The following MSANTD3 variants were observed in gnomAD, a reference collection of about 807,000 sequenced individuals.
The protein encoded by MSANTD3 is myb/SANT-like DNA-binding domain-containing protein 3.
In MSANTD3, 11 loss-of-function variants were observed where a neutral mutation model predicts 27.7. That is an observed-to-expected ratio of 0.40 (90% CI 0.25 to 0.66). The LOEUF (loss-of-function observed/expected upper bound fraction) is 0.66. Among genes scored for constraint, MSANTD3 ranks in the 30% least tolerant of loss-of-function variants. MSANTD3 has a pLI of 0.41. For synonymous variants in MSANTD3, 131 were observed against 127.2 expected (o/e 1.03, Z -0.20); for missense variants, 250 against 336.5 (o/e 0.74, Z 2.01).
At chr9:100,444,862 A>G (rs1836716213) in intron 2 of MSANTD3, 1 of 218,432 alleles carries the variant, frequency 4.6e-6, no homozygotes, top group Admixed American at 5.7e-5. Context: ...ATAAAGGTAC[A>G]TTCTCAGTGT....
chr9:100,451,259 T>G lies in MSANTD3; in HGVS notation c.*293T>G, dbSNP rs140097146. 1.2e-3 allele frequency: 341 copies of G among 277,150 alleles called. 2 individuals are homozygous for G. The highest frequency in any genetic ancestry group is 2.2e-3 in the African/African-American group (98 of 43,984). 17.2% of individuals were successfully genotyped at this position (277,150 alleles called of 1,614,324 possible). On this transcript the variant is annotated 3_prime_UTR_variant, in exon 3 of 3. Transcript: ENST00000395067. ...ACGTGTGAGTGTTGTTGTTGTTGTT[T>G]TTTTTTTTAATCAAATGCAAGTGTG...
rs145636753 is a variant in MSANTD3 at position 100,450,963 on chromosome 9, C to A, written c.825C>A (p.Pro275=). Residue 275 remains proline (P), a synonymous_variant, in exon 3 of 3, where the codon CCC becomes CCA. Transcript: ENST00000395067. ...SSFNRPFPNS[P] The stretch of plus-strand genomic sequence containing the variant: ...TTAACCGGCCCTTTCCCAATTCGCC[C>A]TAAGACTTTGGGGGTGGCTCTCTTG... 35 of 1,575,168 alleles carry A rather than the reference C, an allele frequency of 2.2e-5. No individual in the cohort carries two copies. In the African/African-American group the frequency reaches 4.8e-4, roughly 21 times the overall value.
Position 100,435,796 on chromosome 9 carries a change from C to T in MSANTD3, c.-33-6110C>T, listed in dbSNP as rs544500163. Among the ~76,000 whole-genome samples the T allele has an allele frequency of 2.0e-5, 3 of 152,300 alleles. No homozygotes were observed. In the East Asian group the frequency reaches 5.8e-4, roughly 29 times the overall value. On this transcript the variant is annotated intron_variant, in intron 1 of 2. Coordinates refer to ENST00000395067, the MANE Select transcript of MSANTD3 (RefSeq NM_080655.3). ...TGGACCAGGGCCCCATACTTATGTC[C>T]TTATTTAACCTTAATTGCTTCCTCA...
In MSANTD3 at chr9:100,439,947, C is replaced by T. The variant is rs555008872; in HGVS notation, c.-33-1959C>T. Among the ~76,000 whole-genome samples the T allele has an allele frequency of 9.2e-5, 14 of 152,236 alleles. No homozygotes were observed. The South Asian group carries it at 2.7e-3, about 29-fold the overall frequency. ...AAGAAGGACTGGGAATACGTAGGCC[C>T]TTCCCAACTAGGGGAACGATAATGC... On this transcript the variant is annotated intron_variant, in intron 1 of 2. Transcript: ENST00000395067.
intron 1 of MSANTD3, among the ~76,000 whole-genome samples, chr9:100,432,411 G>T (rs1836396116): frequency 6.6e-6 from 1 of 152,088 alleles, no homozygotes. Context: ...GTGGTTGTGA[G>T]GCTCTTAAAA....
chr9:100,451,624 ATAG>A lies in MSANTD3; in HGVS notation c.*663_*665del, dbSNP rs1836891604. The stretch of plus-strand genomic sequence containing the variant: ...AGGAGTTCTAAATAAGTCTCCAACA[ATAG>A]TAGTTTTGTTGGAGCTAAGGATGTA... On this transcript the variant is annotated 3_prime_UTR_variant, in exon 3 of 3. Coordinates refer to ENST00000395067, the MANE Select transcript of MSANTD3 (RefSeq NM_080655.3). The A allele has an allele frequency of 6.6e-6, 1 of 151,926 alleles. No homozygotes were observed. The highest frequency in any genetic ancestry group is 2.4e-5 in the African/African-American group (1 of 41,338). The allele number at this position is 151,926 out of a possible 1,614,324, so 9.4% of individuals were successfully genotyped here. A position where few individuals can be genotyped will look rare whatever the true frequency, so the allele number is the denominator to read the frequency against.
chr9:100,433,686 T>C (rs1472322350), intron 1 of MSANTD3, among the ~76,000 whole-genome samples: 1 of 152,176 alleles, frequency 6.6e-6, no homozygotes, highest in East Asian at 1.9e-4. Flanking sequence ...AGGTCCTTTG[T>C]AGTTTAAAAC....
intron 1 of MSANTD3, among the ~76,000 whole-genome samples, chr9:100,440,073 G>C (rs190147693): frequency 3.7e-4 from 57 of 152,264 alleles, no homozygotes; most frequent in African/African-American, 1.3e-3. Flanking sequence ...AAAGATATGG[G>C]AATAGCGTGC....
intron 2 of MSANTD3, chr9:100,445,167 A>C: frequency 6.3e-7 from 1 of 1,596,118 alleles, no homozygotes; most frequent in Non-Finnish European, 8.6e-7. Flanking sequence ...TTTGCATTTC[A>C]GTTTTCTTTC....
chr9:100,446,386 C>T (rs564030608), intron 2 of MSANTD3, among the ~76,000 whole-genome samples: 3 of 152,226 alleles, frequency 2.0e-5, no homozygotes, highest in East Asian at 3.9e-4. Context: ...TTCTTTCATT[C>T]TCTTCTCCTG....
In MSANTD3 at chr9:100,450,563, T is replaced by C; in HGVS notation, c.425T>C (p.Phe142Ser). The C allele has an allele frequency of 6.5e-7, 1 of 1,535,908 alleles. No individual in the cohort carries two copies. Among genetic ancestry groups the C allele is most frequent in the Non-Finnish European group, 8.7e-7 (1 of 1,146,344 alleles). Residue 142 changes from phenylalanine (F) to serine (S), a missense_variant, in exon 3 of 3, where the codon TTT becomes TCT. Physicochemically the swap from Phe to Ser is radical, Grantham distance 155. Transcript: ENST00000395067. ...YHPDASAQES[F>S]AVSNRELCDD... ...TTCTGCTACTGTTTTTCAGAATCAT[T>C]TGCTGTTTCAAATAGAGAACTGTGC...
At chr9:100,446,353 G>A (rs186067316) in intron 2 of MSANTD3, among the ~76,000 whole-genome samples, 98 of 152,208 alleles carry the variant, frequency 6.4e-4, no homozygotes, top group Non-Finnish European at 1.1e-3. Flanking sequence ...TGTTAGTTAC[G>A]TGTTTGTTCT....
intron 1 of MSANTD3, among the ~76,000 whole-genome samples, chr9:100,433,897 A>T (rs1461730269): frequency 2.0e-5 from 3 of 152,072 alleles, no homozygotes; most frequent in Non-Finnish European, 4.4e-5. Flanking sequence ...TTTGTCCTCA[A>T]GCTAATCTAA....
chr9:100,428,812 A>G (rs959502664), intron 1 of MSANTD3, among the ~76,000 whole-genome samples: 3 of 152,198 alleles, frequency 2.0e-5, no homozygotes, highest in Non-Finnish European at 4.4e-5. Flanking sequence ...ATATAATGGA[A>G]GAGTGCATTT....
chr9:100,448,932 T>C, intron 2 of MSANTD3: 1 of 985,266 alleles, frequency 1.0e-6, no homozygotes, highest in Non-Finnish European at 1.2e-6. Flanking sequence ...ACTTTACCTC[T>C]TGGAGTGGAA....
In MSANTD3 at chr9:100,442,313, C is replaced by A. The variant is rs576884754; in HGVS notation, c.375C>A (p.Pro125=). The A allele has an allele frequency of 8.1e-6, 13 of 1,613,914 alleles. No individual in the cohort carries two copies. In the South Asian group the frequency reaches 1.4e-4, roughly 18 times the overall value. The change falls in exon 2 of 3, where the codon CCC becomes CCA. Residue 125 remains proline, a synonymous_variant. Transcript: ENST00000395067. ...LPEQLYFLQS[P]PEEEPEYHPD... Reference sequence around the variant, plus strand: ...AGCAGCTCTACTTCCTGCAGAGCCCCCCGGAGGAGGAGCCCGAATACCACC... The same window carrying A: ...AGCAGCTCTACTTCCTGCAGAGCCCACCGGAGGAGGAGCCCGAATACCACC...
chr9:100,448,288 G>T (rs1256712138), intron 2 of MSANTD3: 2 of 984,738 alleles, frequency 2.0e-6, no homozygotes, highest in African/African-American at 3.5e-5. Flanking sequence ...ACTCAGAGGA[G>T]TATCCAGAAC....
chr9:100,443,216 A>C (rs550594204), intron 2 of MSANTD3, among the ~76,000 whole-genome samples: 1 of 151,998 alleles, frequency 6.6e-6, no homozygotes, highest in Admixed American at 6.6e-5. Flanking sequence ...CCTGACCAAC[A>C]TGGAGAAACC....
chr9:100,448,222 A>G (rs1310995269), intron 2 of MSANTD3: 20 of 982,574 alleles, frequency 2.0e-5, no homozygotes, highest in Non-Finnish European at 2.4e-5. Context: ...AAAGAAGAAG[A>G]AGAAATTAAA....
Sources: gnomAD v4.1 joint callset for allele counts (sites outside exome capture counted in the v4.1 genomes callset) on GRCh38, gnomAD v4.1.1 for gene constraint, MANE v1.5 for transcripts, NCBI Gene and HGNC (gene_info 2026-07-23, HGNC 2026-07-21) for gene names.